Variants in MCUB observed in about 807,000 individuals in gnomAD.
MCUB encodes the protein calcium uniporter regulatory subunit MCUb, mitochondrial.
Under a neutral mutation model 41.4 loss-of-function variants are expected in MCUB, and 46 were observed. That is an observed-to-expected ratio of 1.11 (90% CI 0.88 to 1.42). The LOEUF (loss-of-function observed/expected upper bound fraction) is 1.42, where lower values mean the gene tolerates loss of function less well. Among genes scored for constraint, MCUB ranks in the 40% most tolerant of loss-of-function variants. MCUB has a pLI of 0.00. For synonymous variants in MCUB, 148 were observed against 148.2 expected (o/e 1.00, Z 0.01); for missense variants, 403 against 404.9 (o/e 1.00, Z 0.04).
chr4:109,609,802 T>A (rs1727959445), intron 1 of MCUB, among the ~76,000 whole-genome samples: 1 of 152,138 alleles, frequency 6.6e-6, no homozygotes, highest in African/African-American at 2.4e-5. Flanking sequence ...CTCAAGACCT[T>A]AGAACTCTAC....
Position 109,687,725 on chromosome 4 carries a change from T to A in MCUB, c.*133T>A, listed in dbSNP as rs1450448400. The A allele has an allele frequency of 1.6e-6, 1 of 640,700 alleles. No individual in the cohort carries two copies. The highest frequency in any genetic ancestry group is 1.9e-5 in the African/African-American group (1 of 54,028). 39.7% of individuals were successfully genotyped at this position (640,700 alleles called of 1,614,324 possible). A position where few individuals can be genotyped will look rare whatever the true frequency, so the allele number is the denominator to read the frequency against. On this transcript the variant is annotated 3_prime_UTR_variant, in exon 8 of 8. Transcript: ENST00000394650. ...ATTCTTGTAAAACAGAAGTATTGTT[T>A]GAAGTTCTCAACTGAGATTTTTACT...
intron 1 of MCUB, among the ~76,000 whole-genome samples, chr4:109,642,256 A>G (rs1728736345): frequency 4.6e-5 from 7 of 152,224 alleles, no homozygotes; most frequent in Admixed American, 4.6e-4. Context: ...TTTTTAAAGT[A>G]AATTACATGA....
chr4:109,575,495 T>C (rs1049378309), intron 1 of MCUB, among the ~76,000 whole-genome samples: 5 of 152,244 alleles, frequency 3.3e-5, no homozygotes, highest in African/African-American at 7.2e-5. Context: ...TCTTGACATA[T>C]GAAATTCACT....
At chr4:109,597,743 C>G (rs1398876893) in intron 1 of MCUB, among the ~76,000 whole-genome samples, 1 of 143,690 alleles carries the variant, frequency 7.0e-6, no homozygotes. Flanking sequence ...CTGACCCCCC[C>G]ACCTCCCTCC....
At position 109,578,493 on chromosome 4, in the gene MCUB, C is replaced by CT. The variant is rs113130648; in HGVS notation, c.99+18070dup. ...CCAGGTCTTCATAATGAATCTCATA[C>CT]TTTTTTTTTTTTTGAAACAGATTTA... On this transcript the variant is annotated intron_variant, in intron 1 of 7. Coordinates refer to ENST00000394650, the MANE Select transcript of MCUB (RefSeq NM_017918.5). Among the ~76,000 whole-genome samples the CT allele has an allele frequency of 6.8e-3, 983 of 145,116 alleles. 9 individuals carry two copies. The highest frequency in any genetic ancestry group is 0.022 in the African/African-American group (872 of 39,822).
At position 109,600,286 on chromosome 4, in the gene MCUB, G is replaced by A. The variant is rs570776961; in HGVS notation, c.99+39850G>A. Among the ~76,000 whole-genome samples, 18 of 152,164 alleles carry A rather than the reference G, an allele frequency of 1.2e-4. 1 individual carries two copies. In the East Asian group the frequency reaches 3.1e-3, roughly 26 times the overall value. On this transcript the variant is annotated intron_variant, in intron 1 of 7. Transcript: ENST00000394650. ...TTAGTTCTGCCACTACCTGTACTTC[G>A]TTTCTTTTTGGGCCATGTAGCCCTC...
chr4:109,661,236 A>G (rs1376242635), intron 3 of MCUB, among the ~76,000 whole-genome samples: 2 of 152,230 alleles, frequency 1.3e-5, no homozygotes, highest in East Asian at 1.9e-4. Context: ...CTGCTTCTAA[A>G]TAGAATAAAG....
At position 109,636,650 on chromosome 4, in the gene MCUB, C is replaced by T. The variant is rs147324519; in HGVS notation, c.100-22361C>T. Among the ~76,000 whole-genome samples the T allele has an allele frequency of 5.7e-3, 864 of 152,274 alleles. 7 individuals carry two copies. Among genetic ancestry groups the T allele is most frequent in the African/African-American group, 0.019 (803 of 41,548 alleles). ...AGGAGTTCGAGACCAACCTGGCCAA[C>T]GTGGCAAAACCCCATCTTTACTAAA... On this transcript the variant is annotated intron_variant, in intron 1 of 7. Transcript: ENST00000394650.
At chr4:109,681,868 G>A (rs887374295) in intron 4 of MCUB, among the ~76,000 whole-genome samples, 7 of 152,238 alleles carry the variant, frequency 4.6e-5, no homozygotes, top group Admixed American at 1.3e-4. Context: ...AACCAGAAGA[G>A]TGCAGTTTCA....
At chr4:109,647,976 C>A (rs1381220191) in intron 1 of MCUB, among the ~76,000 whole-genome samples, 6 of 152,122 alleles carry the variant, frequency 3.9e-5, no homozygotes, top group Non-Finnish European at 8.8e-5. Flanking sequence ...CATAAGTGAT[C>A]TGAACTAGAG....
chr4:109,656,986 G>A (rs1399390023), intron 1 of MCUB, among the ~76,000 whole-genome samples: 1 of 152,148 alleles, frequency 6.6e-6, no homozygotes, highest in East Asian at 1.9e-4. Flanking sequence ...TCGGGAGGCC[G>A]AGGCAGGCTG....
intron 1 of MCUB, among the ~76,000 whole-genome samples, chr4:109,571,525 C>G (rs1726917053): frequency 6.6e-6 from 1 of 152,164 alleles, no homozygotes; most frequent in African/African-American, 2.4e-5. Flanking sequence ...ATTGGTCGCC[C>G]TGGTCTCCAG....
intron 1 of MCUB, among the ~76,000 whole-genome samples, chr4:109,615,571 C>T (rs960333600): frequency 6.6e-6 from 1 of 151,782 alleles, no homozygotes; most frequent in African/African-American, 2.4e-5. Flanking sequence ...CTACGCCCGG[C>T]TAATTTTTTT....
intron 1 of MCUB, among the ~76,000 whole-genome samples, chr4:109,577,019 T>C (rs1039966920): frequency 6.6e-6 from 1 of 152,082 alleles, no homozygotes; most frequent in African/African-American, 2.4e-5. Context: ...GCCCAGCTAA[T>C]TTTTGTATTT....
intron 1 of MCUB, among the ~76,000 whole-genome samples, 166 bp downstream of exon 1, chr4:109,560,602 C>A (rs901798630): frequency 3.9e-5 from 6 of 152,288 alleles, no homozygotes; most frequent in African/African-American, 1.2e-4. Flanking sequence ...GCCGGGCGGC[C>A]GACGTGGGTC....
At position 109,684,456 on chromosome 4, in the gene MCUB, TAGA is replaced by T. The variant is rs756484831; in HGVS notation, c.629_631del (p.Glu210del). 1.1e-5 allele frequency: 18 copies of T among 1,611,460 alleles called. No homozygotes were observed. In the South Asian group the frequency reaches 1.2e-4, roughly 11 times the overall value. ...ATTCCCCCTCAGGTGAAAGCTGGAA[TAGA>T]AGCTCATTCGGAAGCCAAAACCAGT... On this transcript the variant is annotated inframe_deletion, in exon 6 of 8. Coordinates refer to ENST00000394650, the MANE Select transcript of MCUB (RefSeq NM_017918.5).
At chr4:109,670,633 T>A (rs763379946) in intron 4 of MCUB, among the ~76,000 whole-genome samples, 16 of 151,806 alleles carry the variant, frequency 1.1e-4, no homozygotes, top group Non-Finnish European at 2.1e-4. Context: ...GGAGAATCGC[T>A]TGAACCCGGA....
At chr4:109,648,523 C>T (rs1479191566) in intron 1 of MCUB, 2 of 387,250 alleles carry the variant, frequency 5.2e-6, no homozygotes, top group Non-Finnish European at 9.9e-6. Flanking sequence ...GCTGTCCAGA[C>T]CAGAAGAAGA....
At chr4:109,586,632 G>T (rs7676232) in intron 1 of MCUB, among the ~76,000 whole-genome samples, 28,913 of 151,936 alleles carry the variant, frequency 0.19, 3,826 homozygotes, top group African/African-American at 0.37. Context: ...TACAGATGGG[G>T]TTTTGGTGTG....
Sources: gnomAD v4.1 joint callset for allele counts (sites outside exome capture counted in the v4.1 genomes callset) on GRCh38, gnomAD v4.1.1 for gene constraint, MANE v1.5 for transcripts, NCBI Gene and HGNC (gene_info 2026-07-23, HGNC 2026-07-21) for gene names.